The following SCN2A variants were observed in gnomAD, a reference collection of about 807,000 sequenced individuals.
The protein encoded by SCN2A is sodium voltage-gated channel alpha subunit 2.
A neutral mutation model predicts 188.7 loss-of-function variants in SCN2A; 20 were observed. The observed-to-expected ratio is 0.11, with a 90% CI of 0.07 to 0.15. SCN2A has a LOEUF of 0.15. SCN2A is among the 10% of genes least tolerant of loss of function. SCN2A has a pLI of 1.00. For synonymous variants in SCN2A, 804 were observed against 833.1 expected, an observed-to-expected ratio of 0.97 and a Z score of 0.60; for missense variants, 1,278 against 2,445.0, an observed-to-expected ratio of 0.52 and a Z score of 10.07.
intron 1 of SCN2A, among the ~76,000 whole-genome samples, chr2:165,241,897 A>G (rs1202254956): frequency 6.6e-6 from 1 of 152,212 alleles, no homozygotes; most frequent in Non-Finnish European, 1.5e-5. Context: ...AGAAAAACAG[A>G]AAGTTGCTTA....
chr2:165,356,163 C>T (rs1444777415), intron 17 of SCN2A, among the ~76,000 whole-genome samples: 1 of 152,060 alleles, frequency 6.6e-6, no homozygotes, highest in African/African-American at 2.4e-5. Context: ...TTCAGACAAT[C>T]TTTGAATATA....
In SCN2A at chr2:165,331,331, A is replaced by G. The variant is rs1698662245; in HGVS notation, c.2151A>G (p.Glu717=). ...GGATTCTAACTTTTTTTCTTCCAGA[A>G]CTTGAAGAATCCAGACAGAAATGCC... ...IASILTNTME[E]LEESRQKCPP... is the part of the protein sequence containing the mutation. The change falls in exon 14 of 27, where the codon GAA becomes GAG. Residue 717 remains glutamate, a splice_region_variant and synonymous_variant. Transcript: ENST00000375437. 2.5e-6 allele frequency: 4 copies of G among 1,610,268 alleles called. No individual in the cohort carries two copies. Among genetic ancestry groups the G allele is most frequent in the Non-Finnish European group, 3.4e-6 (4 of 1,176,638 alleles).
At chr2:165,291,380 C>A (rs879587734) in intron 1 of SCN2A, among the ~76,000 whole-genome samples, 2,016 of 147,058 alleles carry the variant, frequency 0.014, 51 homozygotes, top group Non-Finnish European at 0.016. Context: ...TCCTTCCTTC[C>A]TTCCTTCCTT....
chr2:165,281,859 A>T (rs913980310), intron 1 of SCN2A, among the ~76,000 whole-genome samples: 1 of 152,152 alleles, frequency 6.6e-6, no homozygotes. Flanking sequence ...GATAATTTTA[A>T]TAATTTGTGT....
intron 1 of SCN2A, among the ~76,000 whole-genome samples, chr2:165,274,854 G>C (rs1312165987): frequency 6.6e-6 from 1 of 152,192 alleles, no homozygotes; most frequent in Non-Finnish European, 1.5e-5. Context: ...GCCCGGGCTT[G>C]GCTATCCTGC....
chr2:165,326,068 CT>C (rs902954511), intron 12 of SCN2A, among the ~76,000 whole-genome samples: 17 of 151,054 alleles, frequency 1.1e-4, no homozygotes, highest in African/African-American at 2.7e-4. Flanking sequence ...TTAGCTTTAC[CT>C]TTTTTTTTCC....
intron 1 of SCN2A, among the ~76,000 whole-genome samples, chr2:165,250,626 A>T (rs1694047098): frequency 6.6e-6 from 1 of 151,934 alleles, no homozygotes; most frequent in Non-Finnish European, 1.5e-5. Flanking sequence ...ATTAACCAAC[A>T]ATAGTCACAC....
Position 165,286,549 on chromosome 2 carries a change from G to A in SCN2A, c.-51-9224G>A, listed in dbSNP as rs113114658. ...CATTGTATGTTGGAAGGAAGGGCCA[G>A]ACATCAGAACCTTTGGAACCTGGTG... On this transcript the variant is annotated intron_variant, in intron 1 of 26. Coordinates refer to ENST00000375437, the MANE Select transcript of SCN2A (RefSeq NM_001040142.2). Among the ~76,000 whole-genome samples the A allele has an allele frequency of 9.2e-5, 14 of 152,288 alleles. 1 individual carries two copies. Among genetic ancestry groups the A allele is most frequent in the African/African-American group, 2.9e-4 (12 of 41,560 alleles).
chr2:165,365,964 C>T (rs562843649), intron 18 of SCN2A, among the ~76,000 whole-genome samples: 2 of 152,274 alleles, frequency 1.3e-5, no homozygotes, highest in African/African-American at 2.4e-5. Context: ...AAACCCTGGG[C>T]TCTAAGCTGC....
rs1461751302 is a variant in SCN2A, at chr2:165,312,230, C to A, written c.1034+142C>A. ...ACTTCACGGTGACTCTCAGAATAGC[C>A]AGGATAAGTGTAGATTCTCACCTCT... On this transcript the variant is annotated intron_variant, in intron 8 of 26. Transcript: ENST00000375437. 4 of 700,946 alleles carry A rather than the reference C, an allele frequency of 5.7e-6. No individual in the cohort carries two copies. The East Asian group carries it at 1.1e-4, about 19-fold the overall frequency. The allele number at this position is 700,946 out of a possible 1,614,324, so 43.4% of individuals were successfully genotyped here.
At chr2:165,279,056 T>C (rs1553562095) in intron 1 of SCN2A, among the ~76,000 whole-genome samples, 4 of 152,164 alleles carry the variant, frequency 2.6e-5, no homozygotes, top group Non-Finnish European at 2.9e-5. Context: ...AGAGGAATCT[T>C]AGTGATGAGA....
chr2:165,295,007 G>A (rs914754019), intron 1 of SCN2A, among the ~76,000 whole-genome samples: 4 of 152,174 alleles, frequency 2.6e-5, no homozygotes, highest in Admixed American at 2.6e-4. Context: ...TACTGCAAAT[G>A]TGTTAATTTA....
At chr2:165,387,805 G>A (rs1025028549) in intron 26 of SCN2A, among the ~76,000 whole-genome samples, 1 of 151,986 alleles carries the variant, frequency 6.6e-6, no homozygotes, top group Non-Finnish European at 1.5e-5. Context: ...TTCTTTAGTC[G>A]AATAGAACAT....
At chr2:165,371,577 A>G (rs1701025844) in intron 20 of SCN2A, 5 of 152,194 alleles carry the variant, frequency 3.3e-5, no homozygotes, top group Admixed American at 3.3e-4. Flanking sequence ...AGGGAGGAAC[A>G]CGGATTCGTT....
intron 1 of SCN2A, chr2:165,270,304 A>G (rs971427272): frequency 1.3e-5 from 2 of 152,082 alleles, no homozygotes; most frequent in Non-Finnish European, 2.9e-5. Context: ...TTCACTTAAC[A>G]GTAAATTTCA....
intron 3 of SCN2A, among the ~76,000 whole-genome samples, chr2:165,307,615 T>C (rs565708287): frequency 1.3e-4 from 20 of 152,206 alleles, no homozygotes; most frequent in Non-Finnish European, 1.5e-4. Flanking sequence ...ATCTTTTTAA[T>C]TGCTAAAGGT....
chr2:165,351,584 AAG>A (rs200103080), intron 16 of SCN2A, among the ~76,000 whole-genome samples: 2,081 of 152,194 alleles, frequency 0.014, 44 homozygotes, highest in African/African-American at 0.047. Context: ...AAAAAAAAAA[AAG>A]CTTCTCTACT....
intron 1 of SCN2A, among the ~76,000 whole-genome samples, chr2:165,292,194 T>A (rs956529188): frequency 6.6e-6 from 1 of 152,242 alleles, no homozygotes; most frequent in Middle Eastern, 3.2e-3. Flanking sequence ...TGTCTTTATT[T>A]ATTTTTTACT....
chr2:165,364,232 A>G (rs1000798804), intron 17 of SCN2A, among the ~76,000 whole-genome samples: 1 of 152,100 alleles, frequency 6.6e-6, no homozygotes, highest in African/African-American at 2.4e-5. Flanking sequence ...CTGTGGCCCA[A>G]ACTACTCTGA....
Sources: allele counts gnomAD v4.1 joint callset (sites outside exome capture counted in the v4.1 genomes callset), GRCh38; gene constraint gnomAD v4.1.1; transcripts MANE v1.5; gene names NCBI Gene and HGNC (gene_info 2026-07-23, HGNC 2026-07-21).